The following RXRA variants were observed in gnomAD, a reference collection of about 807,000 sequenced individuals.
The protein encoded by RXRA is retinoid X receptor alpha.
Under a neutral mutation model 44.5 loss-of-function variants are expected in RXRA, and 5 were observed. That is an observed-to-expected ratio of 0.11 (90% CI 0.06 to 0.24). The LOEUF is 0.24. RXRA is among the 10% of genes least tolerant of loss of function. The pLI is 1.00. For missense variants in RXRA, 412 were observed against 646.5 expected (o/e 0.64, Z 3.93); for synonymous variants, 291 against 271.4 (o/e 1.07, Z -0.71).
intron 1 of RXRA, among the ~76,000 whole-genome samples, chr9:134,378,732 A>G (rs911166219): frequency 6.6e-6 from 1 of 151,998 alleles, no homozygotes; most frequent in African/African-American, 2.4e-5. Flanking sequence ...GTTGCTCCCA[A>G]AGGCAGCCTG....
chr9:134,396,433 C>T (rs1016472310), intron 1 of RXRA, among the ~76,000 whole-genome samples: 3 of 152,014 alleles, frequency 2.0e-5, no homozygotes, highest in South Asian at 2.1e-4. Flanking sequence ...GCAGTACTTC[C>T]GGAGGTGGGG....
chr9:134,439,355 A>T lies in RXRA; in HGVS notation c.*2741A>T, dbSNP rs980178459. 1 of 152,060 alleles carries T rather than the reference A, an allele frequency of 6.6e-6. No homozygotes were observed. The highest frequency in any genetic ancestry group is 6.5e-5 in the Admixed American group (1 of 15,268). 9.4% of individuals were successfully genotyped at this position (152,060 alleles called of 1,614,324 possible). A position where few individuals can be genotyped will look rare whatever the true frequency, so the allele number is the denominator to read the frequency against. ...GTCACCTCCCGGCTTTGCCGTTCAG[A>T]TGGGGCTCCTGAGGCTCAGGAGTGA... On this transcript the variant is annotated 3_prime_UTR_variant, in exon 10 of 10. Coordinates refer to ENST00000481739, the MANE Select transcript of RXRA (RefSeq NM_002957.6).
chr9:134,427,168 AAC>A (rs1831447946), intron 6 of RXRA: 35 of 982,394 alleles, frequency 3.6e-5, no homozygotes, highest in Non-Finnish European at 4.1e-5. Context: ...ATTGGGCAAA[AAC>A]AAAAAAAAAA....
chr9:134,332,242 G>A (rs1554746747), intron 1 of RXRA, among the ~76,000 whole-genome samples: 1 of 152,214 alleles, frequency 6.6e-6, no homozygotes, highest in Non-Finnish European at 1.5e-5. Context: ...GGGCAGCACT[G>A]TCTGCAGCAA....
rs1028075676 is a variant in RXRA, at chr9:134,366,345, C to A, written c.29-35287C>A. Among the ~76,000 whole-genome samples, 8 of 152,120 alleles carry A rather than the reference C, an allele frequency of 5.3e-5. No homozygotes were observed. Among genetic ancestry groups the A allele is most frequent in the African/African-American group, 1.9e-4 (8 of 41,386 alleles). On this transcript the variant is annotated intron_variant, in intron 1 of 9. Transcript: ENST00000481739. This position sits in a 1 kb window ranked among gnomAD's most constrained non-coding sequence, Gnocchi z 5.9. ...CTGCCCTGCCAGCAGGTCCAGCAGG[C>A]CTTGGCACAGGCTCCAGAATTGCAC...
intron 6 of RXRA, chr9:134,422,497 A>AGGACACTCCCCCCTCCCG: frequency 1.1e-6 from 1 of 909,392 alleles, no homozygotes; most frequent in Non-Finnish European, 1.3e-6. Context: ...CCCCCCTCCC[A>AGGACACTCCCCCCTCCCG]GGACACTCCC....
At chr9:134,394,490 A>G (rs1173132939) in intron 1 of RXRA, among the ~76,000 whole-genome samples, 1 of 152,000 alleles carries the variant, frequency 6.6e-6, no homozygotes. Flanking sequence ...TGAGGCTTGG[A>G]GAAGGTCAAG....
rs539174968 is a variant in RXRA, at chr9:134,436,167, C to T, written c.1242-300C>T. Among the ~76,000 whole-genome samples the T allele has an allele frequency of 9.2e-5, 14 of 152,378 alleles. No homozygotes were observed. In the South Asian group the frequency reaches 2.9e-3, roughly 32 times the overall value. On this transcript the variant is annotated intron_variant, in intron 9 of 9. Coordinates refer to ENST00000481739, the MANE Select transcript of RXRA (RefSeq NM_002957.6). ...AACTGCCTGCAATTTTTAACTTCTT[C>T]ACAAAGAGCTATTCAGTCTGCCCTA...
chr9:134,434,152 G>T lies in RXRA; in HGVS notation c.1186G>T (p.Val396Phe). The change falls in exon 9 of 10, where the codon GTC becomes TTC. Residue 396 changes from valine (V) to phenylalanine (F), a missense_variant. Transcript: ENST00000481739. ...CGAGGTGGAGGCGCTGAGGGAGAAGGTCTATGCGTCCTTGGAGGCCTACTG... is the reference window on the plus strand; with the variant it reads ...CGAGGTGGAGGCGCTGAGGGAGAAGTTCTATGCGTCCTTGGAGGCCTACTG... ...PAEVEALREK[V>F]YASLEAYCKH... 1 of 1,613,810 alleles carries T rather than the reference G, an allele frequency of 6.2e-7. No homozygotes were observed. The highest frequency in any genetic ancestry group is 8.5e-7 in the Non-Finnish European group (1 of 1,179,910).
intron 1 of RXRA, among the ~76,000 whole-genome samples, chr9:134,394,701 C>T (rs549434650): frequency 6.6e-6 from 1 of 152,314 alleles, no homozygotes; most frequent in South Asian, 2.1e-4. Flanking sequence ...CCCTGGTCCC[C>T]TCATCTTGAC....
At chr9:134,370,524 C>T (rs991698037) in intron 1 of RXRA, among the ~76,000 whole-genome samples, 3 of 152,252 alleles carry the variant, frequency 2.0e-5, no homozygotes, top group Non-Finnish European at 4.4e-5. Context: ...GCCCCGTAGA[C>T]GAAGGGCTCA....
intron 1 of RXRA, among the ~76,000 whole-genome samples, chr9:134,357,783 GTTC>G (rs1431921923): frequency 6.6e-6 from 1 of 152,210 alleles, no homozygotes; most frequent in African/African-American, 2.4e-5. Context: ...GAAATTACGT[GTTC>G]TTAGAAAATT....
At position 134,407,512 on chromosome 9, in the gene RXRA, C is replaced by T. The variant is rs1831071532; in HGVS notation, c.280-637C>T. 6.6e-6 allele frequency among the ~76,000 whole-genome samples: 1 copy of T among 152,202 alleles called. No homozygotes were observed. The highest frequency in any genetic ancestry group is 6.5e-5 in the Admixed American group (1 of 15,292). The stretch of plus-strand genomic sequence containing the variant: ...GACCGGGTGAGTTTCCCACGCTTGC[C>T]CGGGCGGCAGCGTGCGGGCCGGCGG... On this transcript the variant is annotated intron_variant, in intron 2 of 9. Transcript: ENST00000481739. This position sits in a 1 kb window ranked among gnomAD's most constrained non-coding sequence, Gnocchi z 4.8.
At chr9:134,401,468 T>G in intron 1 of RXRA, 164 bp from the exon 2 acceptor site, 23 of 1,051,790 alleles carry the variant, frequency 2.2e-5, no homozygotes, top group Non-Finnish European at 3.2e-5. Context: ...TGGCCCGTAG[T>G]GAGTGTGAAT....
intron 1 of RXRA, among the ~76,000 whole-genome samples, chr9:134,391,323 G>A (rs1425857687): frequency 2.0e-5 from 3 of 152,204 alleles, no homozygotes; most frequent in African/African-American, 7.2e-5. Context: ...AGGTGGAGAC[G>A]AGAGCCGCCC....
chr9:134,380,259 C>T (rs1044655168), intron 1 of RXRA: 64 of 925,574 alleles, frequency 6.9e-5, no homozygotes, highest in Admixed American at 1.2e-4. Flanking sequence ...TGGGGGTGGC[C>T]GGGGCACTGT....
intron 4 of RXRA, among the ~76,000 whole-genome samples, chr9:134,416,720 G>GTGCTC (rs932947033): frequency 3.9e-5 from 6 of 152,002 alleles, no homozygotes; most frequent in African/African-American, 1.4e-4. Flanking sequence ...CCTCATGAGC[G>GTGCTC]TGCTCTGCTC....
intron 1 of RXRA, among the ~76,000 whole-genome samples, chr9:134,333,451 G>A (rs531583757): frequency 3.3e-5 from 5 of 152,258 alleles, no homozygotes; most frequent in African/African-American, 1.2e-4. Context: ...GCCAGGGCTG[G>A]GGGTGATGGG....
intron 8 of RXRA, among the ~76,000 whole-genome samples, chr9:134,432,934 A>G (rs1008450746): frequency 2.0e-5 from 3 of 151,914 alleles, no homozygotes; most frequent in African/African-American, 7.3e-5. Context: ...GGAGGGAGCT[A>G]TGGGTTTCTG....
Sources: gnomAD v4.1 joint callset for allele counts (sites outside exome capture counted in the v4.1 genomes callset) on GRCh38, gnomAD v4.1.1 for gene constraint, Gnocchi (gnomAD v3.1) non-coding constraint, MANE v1.5 for transcripts, NCBI Gene and HGNC (gene_info 2026-07-23, HGNC 2026-07-21) for gene names.